SH3GL2: variants seen among roughly 807,000 people sequenced by gnomAD.
SH3GL2 encodes SH3 domain containing GRB2 like 2, endophilin A1.
SH3GL2 carries 24 observed loss-of-function variants against 46.0 expected under a neutral mutation model. That is an observed-to-expected ratio of 0.52 (90% CI 0.38 to 0.73). The LOEUF (loss-of-function observed/expected upper bound fraction) is 0.73, where lower values mean the gene tolerates loss of function less well. SH3GL2 is among the 30% of genes least tolerant of loss of function. SH3GL2 has a pLI of 0.00. For missense variants in SH3GL2, 413 were observed against 424.2 expected, an observed-to-expected ratio of 0.97 and a Z score of 0.23; for synonymous variants, 196 against 147.1, an observed-to-expected ratio of 1.33 and a Z score of -2.40.
rs75094969 is a variant in SH3GL2, at chr9:17,687,426, G to C, written c.46-59640G>C. On this transcript the variant is annotated intron_variant, in intron 1 of 8. Coordinates refer to ENST00000380607, the MANE Select transcript of SH3GL2 (RefSeq NM_003026.5). Reference sequence around the variant, plus strand: ...GCAGATATTGGAGGAGGAGTATGCTGAATGGTAACACTGAGACTGTTTTTG... The same window carrying C: ...GCAGATATTGGAGGAGGAGTATGCTCAATGGTAACACTGAGACTGTTTTTG... Among the ~76,000 whole-genome samples the C allele has an allele frequency of 2.9e-3, 425 of 147,944 alleles. 15 individuals are homozygous for C. In the East Asian group the frequency reaches 0.068, roughly 24 times the overall value.
chr9:17,732,870 A>G (rs973723819), intron 1 of SH3GL2, among the ~76,000 whole-genome samples: 4 of 152,158 alleles, frequency 2.6e-5, no homozygotes, highest in Non-Finnish European at 5.9e-5. Context: ...CATATTGATT[A>G]TAGCCAACCC....
At chr9:17,609,957 T>G (rs776916981) in intron 1 of SH3GL2, among the ~76,000 whole-genome samples, 1 of 152,220 alleles carries the variant, frequency 6.6e-6, no homozygotes, top group Non-Finnish European at 1.5e-5. Context: ...AGGAACATTT[T>G]AATACAAGTG....
chr9:17,579,906 G>A (rs746418489), intron 1 of SH3GL2, among the ~76,000 whole-genome samples: 3 of 152,144 alleles, frequency 2.0e-5, no homozygotes, highest in Non-Finnish European at 4.4e-5. Context: ...TTGAGGCCAG[G>A]GCATGACAAA....
chr9:17,770,651 T>C (rs10963265), intron 3 of SH3GL2, among the ~76,000 whole-genome samples: 22,338 of 152,262 alleles, frequency 0.15, 2,216 homozygotes, highest in Middle Eastern at 0.24. Context: ...AGTCACATTA[T>C]GTGAGACAGT....
intron 1 of SH3GL2, among the ~76,000 whole-genome samples, chr9:17,742,584 C>A (rs780357895): frequency 5.3e-4 from 80 of 152,156 alleles, no homozygotes; most frequent in Non-Finnish European, 9.7e-4. Context: ...TATGCTACCT[C>A]TAAGTCATCT....
chr9:17,736,176 T>C (rs139835584), intron 1 of SH3GL2, among the ~76,000 whole-genome samples: 28 of 152,110 alleles, frequency 1.8e-4, no homozygotes, highest in African/African-American at 6.5e-4. Flanking sequence ...TGAAATGTGT[T>C]TGTGTGTTTA....
At chr9:17,791,754 G>A (rs372169083) in intron 7 of SH3GL2, among the ~76,000 whole-genome samples, 6 of 152,268 alleles carry the variant, frequency 3.9e-5, no homozygotes, top group South Asian at 4.1e-4. Context: ...ACTAGCCCAG[G>A]GTCACTCAGT....
At chr9:17,790,144 C>G (rs1824081984) in intron 6 of SH3GL2, among the ~76,000 whole-genome samples, 1 of 152,140 alleles carries the variant, frequency 6.6e-6, no homozygotes, top group African/African-American at 2.4e-5. Flanking sequence ...ATGGGTGTCC[C>G]TTCGCTAGAA....
intron 1 of SH3GL2, among the ~76,000 whole-genome samples, chr9:17,639,425 A>T (rs1819619699): frequency 6.6e-6 from 1 of 152,254 alleles, no homozygotes; most frequent in African/African-American, 2.4e-5. Context: ...AGATGCATAA[A>T]TGATCAAAAG....
chr9:17,599,615 G>A (rs993273509), intron 1 of SH3GL2, among the ~76,000 whole-genome samples: 1 of 152,208 alleles, frequency 6.6e-6, no homozygotes, highest in Non-Finnish European at 1.5e-5. Flanking sequence ...ATATGATGGA[G>A]TTTTATGAGG....
At chr9:17,740,670 T>C (rs1822501719) in intron 1 of SH3GL2, among the ~76,000 whole-genome samples, 1 of 152,166 alleles carries the variant, frequency 6.6e-6, no homozygotes, top group Admixed American at 6.6e-5. Context: ...AGTAATGTTG[T>C]TCTTTAATAA....
At chr9:17,711,704 C>G (rs1690229863) in intron 1 of SH3GL2, among the ~76,000 whole-genome samples, 1 of 151,718 alleles carries the variant, frequency 6.6e-6, no homozygotes, top group African/African-American at 2.4e-5. Flanking sequence ...TTTGTTTATC[C>G]ATAAGCACCT....
chr9:17,794,389 A>C (rs1404479448), intron 8 of SH3GL2, among the ~76,000 whole-genome samples: 1 of 152,180 alleles, frequency 6.6e-6, no homozygotes. Context: ...TAAGAAAAAA[A>C]GCGAGGTCTG....
At chr9:17,634,399 G>A (rs1459641420) in intron 1 of SH3GL2, among the ~76,000 whole-genome samples, 3 of 152,168 alleles carry the variant, frequency 2.0e-5, no homozygotes, top group Non-Finnish European at 2.9e-5. Context: ...TTTGCTTTTT[G>A]TCTTCTCTGA....
chr9:17,616,285 A>C (rs761382782), intron 1 of SH3GL2, among the ~76,000 whole-genome samples: 2 of 152,252 alleles, frequency 1.3e-5, no homozygotes, highest in African/African-American at 4.8e-5. Flanking sequence ...CTTTTGTGAT[A>C]CACACAGTGA....
intron 1 of SH3GL2, among the ~76,000 whole-genome samples, chr9:17,587,915 G>A (rs1323089611): frequency 6.6e-6 from 1 of 151,264 alleles, no homozygotes; most frequent in Non-Finnish European, 1.5e-5. Context: ...AAAAAAACCA[G>A]AAAAACTTCA....
At chr9:17,647,706 TA>T (rs749729085) in intron 1 of SH3GL2, among the ~76,000 whole-genome samples, 6 of 152,174 alleles carry the variant, frequency 3.9e-5, no homozygotes, top group Non-Finnish European at 8.8e-5. Context: ...TTATAAAGAT[TA>T]AAATAAATGA....
intron 1 of SH3GL2, among the ~76,000 whole-genome samples, chr9:17,661,197 T>A (rs1302812744): frequency 6.6e-6 from 1 of 152,038 alleles, no homozygotes; most frequent in African/African-American, 2.4e-5. Flanking sequence ...AAAATTAATG[T>A]TCAGCGTTGT....
At chr9:17,681,587 A>G (rs1050519342) in intron 1 of SH3GL2, among the ~76,000 whole-genome samples, 17 of 152,084 alleles carry the variant, frequency 1.1e-4, no homozygotes, top group Non-Finnish European at 2.5e-4. Flanking sequence ...TAAAACCCCA[A>G]ATCATGAAAA....
Sources: gnomAD v4.1 joint callset for allele counts (sites outside exome capture counted in the v4.1 genomes callset) on GRCh38, gnomAD v4.1.1 for gene constraint, MANE v1.5 for transcripts, NCBI Gene and HGNC (gene_info 2026-07-23, HGNC 2026-07-21) for gene names.